Variants in ABCG1 observed in about 807,000 individuals in gnomAD.
ABCG1 encodes the protein ATP binding cassette subfamily G member 1, also known as ATP-binding cassette sub-family G member 1.
A neutral mutation model predicts 69.2 loss-of-function variants in ABCG1; 29 were observed. The observed-to-expected ratio is 0.42, with a 90% CI of 0.31 to 0.57. ABCG1 has a LOEUF of 0.57. Ranked by LOEUF, ABCG1 falls within the 20% of genes least tolerant of loss-of-function variation. The pLI is 0.15. For synonymous variants in ABCG1, 370 were observed against 374.8 expected (o/e 0.99, Z 0.15); for missense variants, 718 against 898.1 (o/e 0.80, Z 2.56).
At chr21:42,265,784 G>A (rs1252549451) in intron 2 of ABCG1, among the ~76,000 whole-genome samples, 6 of 152,220 alleles carry the variant, frequency 3.9e-5, no homozygotes, top group Admixed American at 3.9e-4. Flanking sequence ...AGGACCGCAG[G>A]CTGGGATGGC....
At chr21:42,220,301 TGGCAC>T (rs2067703556) in intron 1 of ABCG1, among the ~76,000 whole-genome samples, 1 of 152,194 alleles carries the variant, frequency 6.6e-6, no homozygotes, top group Admixed American at 6.5e-5. Flanking sequence ...CCACAGTGCA[TGGCAC>T]GCTCCGGGGC....
At chr21:42,205,698 A>C (rs1415648865) in intron 2 of ABCG1, among the ~76,000 whole-genome samples, 4 of 150,956 alleles carry the variant, frequency 2.6e-5, no homozygotes. Context: ...CTTTTCAATT[A>C]CATTGATTTC....
At chr21:42,282,618 G>A (rs1380787992) in intron 6 of ABCG1, among the ~76,000 whole-genome samples, 199 bp downstream of exon 6, 1 of 152,242 alleles carries the variant, frequency 6.6e-6, no homozygotes, top group Non-Finnish European at 1.5e-5. Context: ...CTGTGCTCAG[G>A]CCTGCAAGGC....
chr21:42,212,855 G>A (rs547015588), upstream of ABCG1, among the ~76,000 whole-genome samples: 14 of 152,014 alleles, frequency 9.2e-5, no homozygotes, highest in East Asian at 7.8e-4. Flanking sequence ...TACCATGCCC[G>A]GCTAATTTTT....
chr21:42,241,978 A>C (rs112753328), intron 2 of ABCG1, among the ~76,000 whole-genome samples: 8 of 58,946 alleles, frequency 1.4e-4, no homozygotes, highest in African/African-American at 3.7e-4. Context: ...ACCCTGTCTC[A>C]AAAAAAAAAA....
chr21:42,235,766 G>T (rs932559281), intron 2 of ABCG1, among the ~76,000 whole-genome samples: 1 of 152,132 alleles, frequency 6.6e-6, no homozygotes, highest in African/African-American at 2.4e-5. Context: ...TAAATGCTTC[G>T]TATCAGACTT....
At position 42,256,591 on chromosome 21, in the gene ABCG1, A is replaced by C; in HGVS notation, c.287-14479A>C. ...GGACACTGACCCATGAAGAGAAAGC[A>C]GTTCTCACAGTTTTTACAGGCACAG... On this transcript the variant is annotated intron_variant, in intron 2 of 14. Coordinates refer to ENST00000398449, the MANE Select transcript of ABCG1 (RefSeq NM_016818.3). 3 of 1,521,416 alleles carry C rather than the reference A, an allele frequency of 2.0e-6. No individual in the cohort carries two copies. In the African/African-American group the frequency reaches 4.1e-5, roughly 21 times the overall value. The allele number at this position is 1,521,416 out of a possible 1,614,324, so 94.2% of individuals were successfully genotyped here. A position where few individuals can be genotyped will look rare whatever the true frequency, so the allele number is the denominator to read the frequency against.
At chr21:42,227,308 A>G (rs1243576455) in intron 2 of ABCG1, among the ~76,000 whole-genome samples, 1 of 152,246 alleles carries the variant, frequency 6.6e-6, no homozygotes, top group Non-Finnish European at 1.5e-5. Context: ...AAATTTCAAC[A>G]TAGGGTTCTA....
chr21:42,225,973 G>A, intron 2 of ABCG1, 59 bp downstream of exon 2: 1 of 1,578,248 alleles, frequency 6.3e-7, no homozygotes. Flanking sequence ...GGAGGCAACA[G>A]GTTGTTTGGG....
At chr21:42,284,738 G>A in intron 7 of ABCG1, 55 bp downstream of exon 7, 2 of 1,591,702 alleles carry the variant, frequency 1.3e-6, no homozygotes, top group Non-Finnish European at 1.7e-6. Flanking sequence ...AGGTCAGCCT[G>A]AATGACACCA....
At chr21:42,220,761 T>C (rs1173280429) in intron 1 of ABCG1, among the ~76,000 whole-genome samples, 1 of 152,268 alleles carries the variant, frequency 6.6e-6, no homozygotes, top group African/African-American at 2.4e-5. Flanking sequence ...TTGGGAATTC[T>C]GCCTTTTGCA....
intron 2 of ABCG1, among the ~76,000 whole-genome samples, chr21:42,227,979 G>T (rs934385420): frequency 2.0e-5 from 3 of 152,196 alleles, no homozygotes; most frequent in Admixed American, 2.0e-4. Flanking sequence ...TCCCTCCCTT[G>T]ACACGTGGGG....
intron 2 of ABCG1, among the ~76,000 whole-genome samples, chr21:42,265,164 G>T (rs758643776): frequency 2.3e-4 from 35 of 152,306 alleles, no homozygotes; most frequent in Middle Eastern, 3.4e-3. Flanking sequence ...AGTCCAGAGT[G>T]CTCAGGCCCT....
rs147545412 is a variant in ABCG1 at position 42,205,842 on chromosome 21, C to T, written c.48+4119C>T. 8.1e-3 allele frequency among the ~76,000 whole-genome samples: 1,228 copies of T among 152,070 alleles called. 24 individuals are homozygous for T. Among genetic ancestry groups the T allele is most frequent in the African/African-American group, 0.028 (1,161 of 41,482 alleles). ...TTCAGTGCTATAAATTTCCCTTTCC[C>T]GACTGTTTTAGTTGTGTCCCACAAA... On this transcript the variant is annotated intron_variant, in intron 2 of 15. Transcript: ENST00000398457.
intron 10 of ABCG1, among the ~76,000 whole-genome samples, chr21:42,289,418 T>G (rs753247496): frequency 3.3e-5 from 5 of 152,158 alleles, no homozygotes; most frequent in Non-Finnish European, 4.4e-5. Flanking sequence ...CCTAAACAAG[T>G]CACATGGCCG....
intron 2 of ABCG1, among the ~76,000 whole-genome samples, chr21:42,258,761 C>T (rs2068353967): frequency 6.6e-6 from 1 of 152,216 alleles, no homozygotes; most frequent in Non-Finnish European, 1.5e-5. Context: ...CTGTAAGACT[C>T]GGGATGAGGG....
chr21:42,204,735 G>C (rs113406750), intron 2 of ABCG1, among the ~76,000 whole-genome samples: 3 of 152,148 alleles, frequency 2.0e-5, no homozygotes, highest in Admixed American at 6.5e-5. Flanking sequence ...GAGTGCAGTG[G>C]CTATTCACAG....
rs941138520 is a variant in ABCG1, at chr21:42,295,709, C to T, written c.1773-455C>T. On this transcript the variant is annotated intron_variant, in intron 14 of 14. Coordinates refer to ENST00000398449, the MANE Select transcript of ABCG1 (RefSeq NM_016818.3). ...CCAACACTATGAAATCAGAAACCGA[C>T]GTCTTTCTTCTCAAAATGAGTGCTT... Among the ~76,000 whole-genome samples, 14 of 152,338 alleles carry T rather than the reference C, an allele frequency of 9.2e-5. 1 individual carries two copies. In the South Asian group the frequency reaches 1.0e-3, roughly 11 times the overall value.
At chr21:42,285,825 G>A in intron 7 of ABCG1, 55 bp from the exon 8 acceptor site, 2 of 1,230,520 alleles carry the variant, frequency 1.6e-6, no homozygotes, top group East Asian at 4.6e-5. Context: ...GAGGGCTCCG[G>A]TTGCCTTCCG....
Sources: gnomAD v4.1 joint callset for allele counts (sites outside exome capture counted in the v4.1 genomes callset) on GRCh38, gnomAD v4.1.1 for gene constraint, MANE v1.5 for transcripts, NCBI Gene and HGNC (gene_info 2026-07-23, HGNC 2026-07-21) for gene names.